Variants in SSC5D observed in about 807,000 individuals in gnomAD.
SSC5D encodes soluble scavenger receptor cysteine-rich domain-containing protein SSC5D.
In SSC5D, 106 loss-of-function variants were observed where a neutral mutation model predicts 104.6. That is an observed-to-expected ratio of 1.01 (90% CI 0.87 to 1.19). The LOEUF is 1.19. Among genes scored for constraint, SSC5D ranks in the 50% most tolerant of loss-of-function variants. SSC5D has a pLI of 0.00. For synonymous variants in SSC5D, 860 were observed against 883.5 expected (o/e 0.97, Z 0.47); for missense variants, 1,993 against 2,153.8 (o/e 0.93, Z 1.48).
chr19:55,518,370 A>T lies in SSC5D; in HGVS notation c.4094A>T (p.Gln1365Leu). 6.4e-7 allele frequency: 1 copy of T among 1,550,402 alleles called. No individual in the cohort carries two copies. Among genetic ancestry groups the T allele is most frequent in the Non-Finnish European group, 8.7e-7 (1 of 1,146,696 alleles). The change falls in exon 14 of 14, where the codon CAG becomes CTG. Residue 1365 changes from glutamine to leucine, a missense_variant. Physicochemically the swap from Gln to Leu is moderately radical, Grantham distance 113. Transcript: ENST00000389623. ...ACAGTCAAGCCCAGTCTGCACCCCC[A>T]GTTGACCTTCACAGCACCTGCCCCT... is the stretch of plus-strand genomic sequence containing the variant. ...APTVKPSLHP[Q>L]LTFTAPAPHT...
At position 55,515,507 on chromosome 19, in the gene SSC5D, C is replaced by T. The variant is rs75324883; in HGVS notation, c.2948-1717C>T. On this transcript the variant is annotated intron_variant, in intron 13 of 13. Transcript: ENST00000389623. ...CAGCACTTTGGGAGGCCGAAGCGGG[C>T]GGATCACGAGGTCAGGAGATCGCGA... is the stretch of plus-strand genomic sequence containing the variant. 5.8e-3 allele frequency among the ~76,000 whole-genome samples: 872 copies of T among 151,274 alleles called. 49 individuals carry two copies. The East Asian group carries it at 0.14, about 25-fold the overall frequency.
intron 8 of SSC5D, among the ~76,000 whole-genome samples, chr19:55,496,054 T>C (rs1193777589): frequency 6.6e-6 from 1 of 152,056 alleles, no homozygotes; most frequent in African/African-American, 2.4e-5. Flanking sequence ...GGGTCTTTCT[T>C]GTGTTTTTTG....
Position 55,497,866 on chromosome 19 carries a change from C to G in SSC5D, c.1388-14C>G, listed in dbSNP as rs1456951449. 15 of 1,509,348 alleles carry G rather than the reference C, an allele frequency of 9.9e-6. No individual in the cohort carries two copies. The Admixed American group carries it at 3.2e-4, about 32-fold the overall frequency. 93.5% of individuals were successfully genotyped at this position (1,509,348 alleles called of 1,614,324 possible). A position where few individuals can be genotyped will look rare whatever the true frequency, so the allele number is the denominator to read the frequency against. On this transcript the variant is annotated splice_polypyrimidine_tract_variant and intron_variant, in intron 8 of 13. Transcript: ENST00000389623. ...CTTCCCCGACTCTAATTCTTTGGGT[C>G]TCTTCTACCCCAGGGTCCCCCCAGC...
intron 8 of SSC5D, 32 bp from the exon 9 acceptor site, chr19:55,497,848 G>A (rs7254234): frequency 0.47 from 703,503 of 1,485,490 alleles, 169,275 homozygotes; most frequent in South Asian, 0.57. Flanking sequence ...CGGCTTCCCC[G>A]ACTCTAATTC....
At chr19:55,495,470 C>A (rs1987302012) in intron 8 of SSC5D, among the ~76,000 whole-genome samples, 1 of 150,228 alleles carries the variant, frequency 6.7e-6, no homozygotes, top group Non-Finnish European at 1.5e-5. Context: ...TGATCCCAAA[C>A]CATCTGCCTG....
At chr19:55,502,464 GGTCA>G (rs994888625) in intron 12 of SSC5D, among the ~76,000 whole-genome samples, 1 of 150,304 alleles carries the variant, frequency 6.7e-6, no homozygotes, top group Non-Finnish European at 1.5e-5. Context: ...CAGTTTTCGT[GGTCA>G]GTTTCTCTTT....
chr19:55,515,593 A>G (rs147234756), intron 13 of SSC5D, among the ~76,000 whole-genome samples: 5,708 of 151,660 alleles, frequency 0.038, 352 homozygotes, highest in African/African-American at 0.13. Flanking sequence ...TTAGCAGGAC[A>G]TGGTGGCGAG....
At chr19:55,497,800 G>T (rs1599918744) in intron 8 of SSC5D, 80 bp from the exon 9 acceptor site, 3 of 1,308,762 alleles carry the variant, frequency 2.3e-6, no homozygotes, top group Non-Finnish European at 2.0e-6. Flanking sequence ...AAGGAAGATG[G>T]GGGGAGGGAA....
rs1377605366 is a variant in SSC5D, at chr19:55,489,863, C to G, written c.362-19C>G. On this transcript the variant is annotated intron_variant, in intron 3 of 13. Coordinates refer to ENST00000389623, the MANE Select transcript of SSC5D (RefSeq NM_001144950.2). ...CCCCTCCTCTCCTCATAGCTTCTGT[C>G]CCTGCCCCCCCGCCGCAGGTCAGCG... 1.9e-6 allele frequency: 3 copies of G among 1,543,044 alleles called. No individual in the cohort carries two copies. The highest frequency in any genetic ancestry group is 2.6e-6 in the Non-Finnish European group (3 of 1,140,012).
intron 5 of SSC5D, 138 bp downstream of exon 5, chr19:55,490,546 C>T (rs1987110729): frequency 2.7e-5 from 17 of 621,750 alleles, no homozygotes; most frequent in Middle Eastern, 4.2e-4. Context: ...GTCCCTCCCC[C>T]GGGGATTTAG....
chr19:55,501,231 G>A (rs1156747779), intron 12 of SSC5D, 30 bp downstream of exon 12: 4 of 1,478,070 alleles, frequency 2.7e-6, no homozygotes, highest in Admixed American at 2.7e-5. Flanking sequence ...TGGCCATGGA[G>A]GGCCTCCATA....
At chr19:55,511,206 G>A (rs1987748919) in intron 12 of SSC5D, among the ~76,000 whole-genome samples, 1 of 152,186 alleles carries the variant, frequency 6.6e-6, no homozygotes, top group African/African-American at 2.4e-5. Flanking sequence ...TAATACGAAG[G>A]CATGACGGAG....
Position 55,500,934 on chromosome 19 carries a change from C to T in SSC5D, c.2618-100C>T, listed in dbSNP as rs1191580272. ...TATGAGGGGTCGGGGTGGGGAGATCCCAGAGTTGCTCCAGAAGATTCCAAA... is the reference window on the plus strand; with the variant it reads ...TATGAGGGGTCGGGGTGGGGAGATCTCAGAGTTGCTCCAGAAGATTCCAAA... On this transcript the variant is annotated intron_variant, in intron 11 of 13. Transcript: ENST00000389623. The surrounding 1 kb of genome is among the most constrained non-coding windows in gnomAD (Gnocchi z 4.6). 1.3e-6 allele frequency: 2 copies of T among 1,521,012 alleles called. No individual in the cohort carries two copies. The highest frequency in any genetic ancestry group is 2.5e-5 in the East Asian group (1 of 40,806). 94.2% of individuals were successfully genotyped at this position (1,521,012 alleles called of 1,614,324 possible). A position where few individuals can be genotyped will look rare whatever the true frequency, so the allele number is the denominator to read the frequency against.
chr19:55,504,292 A>G (rs895196370), intron 12 of SSC5D: 13 of 1,453,020 alleles, frequency 8.9e-6, no homozygotes, highest in Middle Eastern at 2.2e-4. Context: ...GGAGGCAGCC[A>G]ATGAGCAGAA....
Position 55,498,048 on chromosome 19 carries a change from C to T in SSC5D, c.1556C>T (p.Ala519Val), listed in dbSNP as rs1318541154. 3.9e-6 allele frequency: 6 copies of T among 1,551,600 alleles called. No individual in the cohort carries two copies. The highest frequency in any genetic ancestry group is 5.2e-6 in the Non-Finnish European group (6 of 1,147,006). The change falls in exon 9 of 14, where the codon GCT becomes GTT. Residue 519 changes from alanine to valine, a missense_variant. Ala to Val is a moderately conservative substitution (Grantham distance 64). Coordinates refer to ENST00000389623, the MANE Select transcript of SSC5D (RefSeq NM_001144950.2). ...GGTGGACCTCAGCAGCCAGACCCTG[C>T]TGCTGGCCGCTTTGGCTGGGGTGCG... Reference protein sequence around the residue: ...GCGGPQQPDPAAGRFGWGAGP... With the variant: ...GCGGPQQPDPVAGRFGWGAGP...
chr19:55,490,531 C>T (rs534526233), intron 5 of SSC5D, 123 bp downstream of exon 5: 19 of 610,334 alleles, frequency 3.1e-5, no homozygotes, highest in South Asian at 2.9e-4. Context: ...CCCAGTGTTC[C>T]CCGCGTCCCT....
chr19:55,492,675 G>A (rs996720528), intron 6 of SSC5D: 2 of 152,122 alleles, frequency 1.3e-5, no homozygotes, highest in African/African-American at 4.8e-5. Flanking sequence ...GCCTCGTTGG[G>A]GGACAGAGAG....
chr19:55,493,726 C>G lies in SSC5D; in HGVS notation c.1027C>G (p.Arg343Gly), dbSNP rs917048803. 23 of 1,520,320 alleles carry G rather than the reference C, an allele frequency of 1.5e-5. No homozygotes were observed. Among genetic ancestry groups the G allele is most frequent in the Non-Finnish European group, 1.9e-5 (22 of 1,136,876 alleles). The allele number at this position is 1,520,320 out of a possible 1,614,324, so 94.2% of individuals were successfully genotyped here. A position where few individuals can be genotyped will look rare whatever the true frequency, so the allele number is the denominator to read the frequency against. The change falls in exon 7 of 14, where the codon CGA becomes GGA. Residue 343 changes from arginine (R) to glycine (G), a missense_variant. This residue lies in a region of SSC5D where 1,101 missense variants were observed against 1,085.0 expected (regional missense o/e 1.01). Coordinates refer to ENST00000389623, the MANE Select transcript of SSC5D (RefSeq NM_001144950.2). ...WDLRDAAVACRELGCGGALAA... is the reference protein window; with the variant it reads ...WDLRDAAVACGELGCGGALAA... ...CCTGCGAGACGCCGCTGTGGCCTGC[C>G]GAGAGCTGGGCTGCGGAGGGGCGCT...
In SSC5D at chr19:55,490,776, GC is replaced by G; in HGVS notation, c.592del (p.Leu198CysfsTer37). On this transcript the variant is annotated frameshift_variant, in exon 6 of 14. Transcript: ENST00000389623. LOFTEE classifies it high-confidence loss of function. ...CCCTCCCTGCTCACCCCACAGAGCG[GC>G]TGCGCCTGGTCTCTGGCCCCCACAG... is the stretch of plus-strand genomic sequence containing the variant. ...LTTGAPRQER[L>X]RLVSGPHRCA... 2 of 1,530,454 alleles carry G rather than the reference GC, an allele frequency of 1.3e-6. No individual in the cohort carries two copies. The highest frequency in any genetic ancestry group is 1.8e-6 in the Non-Finnish European group (2 of 1,140,242). The allele number at this position is 1,530,454 out of a possible 1,614,324, so 94.8% of individuals were successfully genotyped here.
Sources: gnomAD v4.1 joint callset for allele counts (sites outside exome capture counted in the v4.1 genomes callset) on GRCh38, gnomAD v4.1.1 for gene constraint, gnomAD v4.1.1 regional missense constraint, Gnocchi (gnomAD v3.1) non-coding constraint, MANE v1.5 for transcripts, NCBI Gene and HGNC (gene_info 2026-07-23, HGNC 2026-07-21) for gene names.